PDE1A: variants seen among roughly 807,000 people sequenced by gnomAD.
PDE1A encodes the protein dual specificity calcium/calmodulin-dependent 3',5'-cyclic nucleotide phosphodiesterase 1A.
In PDE1A, 35 loss-of-function variants were observed where a neutral mutation model predicts 61.7. That is an observed-to-expected ratio of 0.57 (90% CI 0.43 to 0.75). PDE1A has a LOEUF of 0.75. Among genes scored for constraint, PDE1A ranks in the 30% least tolerant of loss-of-function variants. The pLI, the probability that PDE1A is intolerant of heterozygous loss-of-function variation, is 0.00. For missense variants in PDE1A, 597 were observed against 630.6 expected (o/e 0.95, Z 0.57); for synonymous variants, 232 against 213.2 (o/e 1.09, Z -0.77).
At chr2:182,586,158 T>C in the PDE1A span, among the ~76,000 whole-genome samples, 2 of 152,140 alleles carry the variant, frequency 1.3e-5, no homozygotes, top group African/African-American at 2.4e-5. Context: ...CCCGAGTAAA[T>C]AATCTATAAT....
intron 2 of PDE1A, among the ~76,000 whole-genome samples, chr2:182,468,813 T>C (rs1004627589): frequency 6.6e-6 from 1 of 152,022 alleles, no homozygotes; most frequent in African/African-American, 2.4e-5. Flanking sequence ...GGATGTTGTA[T>C]GAGCAGGCAT....
the PDE1A span, among the ~76,000 whole-genome samples, chr2:182,673,356 G>A: frequency 6.6e-6 from 1 of 152,174 alleles, no homozygotes; most frequent in African/African-American, 2.4e-5. Flanking sequence ...AGTGTTGAAA[G>A]ACAATGTTCC....
At chr2:182,415,617 C>A (rs1702868162) in intron 1 of PDE1A, among the ~76,000 whole-genome samples, 1 of 152,222 alleles carries the variant, frequency 6.6e-6, no homozygotes, top group South Asian at 2.1e-4. Flanking sequence ...ACTGCCTGAA[C>A]TTTATTTTTT....
intron 1 of PDE1A, among the ~76,000 whole-genome samples, chr2:182,424,230 C>T (rs145554411): frequency 1.3e-5 from 2 of 152,274 alleles, no homozygotes; most frequent in East Asian, 3.9e-4. Flanking sequence ...CAGGCATGAG[C>T]CACGGCACCC....
the PDE1A span, among the ~76,000 whole-genome samples, chr2:182,533,630 G>C: frequency 6.6e-6 from 1 of 152,048 alleles, no homozygotes; most frequent in Admixed American, 6.6e-5. Context: ...TAATAGATTA[G>C]AATCATTATC....
chr2:182,583,032 T>G, the PDE1A span, among the ~76,000 whole-genome samples: 6 of 152,138 alleles, frequency 3.9e-5, no homozygotes, highest in Non-Finnish European at 8.8e-5. Context: ...TTGATGATGG[T>G]GGGAGTGATT....
chr2:182,308,796 CT>C (rs1368135122), intron 1 of PDE1A, among the ~76,000 whole-genome samples: 1 of 152,004 alleles, frequency 6.6e-6, no homozygotes, highest in East Asian at 1.9e-4. Context: ...AATATATATG[CT>C]TCTTTCCTTA....
chr2:182,348,097 T>C (rs1344376210), intron 1 of PDE1A, among the ~76,000 whole-genome samples: 1 of 152,188 alleles, frequency 6.6e-6, no homozygotes, highest in Non-Finnish European at 1.5e-5. Flanking sequence ...CCAGCCAGCA[T>C]TTTTGTCATT....
the PDE1A span, among the ~76,000 whole-genome samples, chr2:182,528,905 C>T: frequency 2.0e-5 from 3 of 152,224 alleles, no homozygotes; most frequent in Non-Finnish European, 2.9e-5. Context: ...GGAACCTTCA[C>T]CTAGATTTCA....
chr2:182,471,282 T>C (rs1392447276), intron 2 of PDE1A, among the ~76,000 whole-genome samples: 4 of 151,738 alleles, frequency 2.6e-5, no homozygotes, highest in Non-Finnish European at 4.4e-5. Context: ...GTCAGGCAGA[T>C]GAAAAATATG....
the PDE1A span, among the ~76,000 whole-genome samples, chr2:182,593,995 T>C: frequency 6.6e-6 from 1 of 152,216 alleles, no homozygotes; most frequent in Non-Finnish European, 1.5e-5. Flanking sequence ...GTTCCCTTTG[T>C]TACTTATATC....
intron 1 of PDE1A, among the ~76,000 whole-genome samples, chr2:182,268,192 C>A (rs1323016801): frequency 6.6e-6 from 1 of 151,884 alleles, no homozygotes; most frequent in Non-Finnish European, 1.5e-5. Context: ...CAGTTTCTGA[C>A]CCAGAAAATT....
the PDE1A span, among the ~76,000 whole-genome samples, chr2:182,560,958 C>T: frequency 7.1e-4 from 107 of 151,396 alleles, no homozygotes; most frequent in African/African-American, 2.4e-3. Context: ...GGATATTAGC[C>T]CTTGGTCAGA....
the PDE1A span, among the ~76,000 whole-genome samples, chr2:182,622,147 A>G: frequency 1.3e-5 from 2 of 152,250 alleles, no homozygotes; most frequent in Admixed American, 6.5e-5. Flanking sequence ...ACTATTTAGT[A>G]TGACATAGAA....
chr2:182,510,726 G>A (rs1289148659), intron 2 of PDE1A, among the ~76,000 whole-genome samples: 1 of 152,086 alleles, frequency 6.6e-6, no homozygotes, highest in Non-Finnish European at 1.5e-5. Context: ...TCCACTATAA[G>A]GCTACCTCAA....
the PDE1A span, among the ~76,000 whole-genome samples, chr2:182,678,901 A>C: frequency 1.3e-5 from 2 of 152,072 alleles, no homozygotes; most frequent in South Asian, 4.1e-4. Flanking sequence ...TGGTAATTAT[A>C]GTTAACAGTA....
chr2:182,434,423 C>G (rs1469325208), intron 2 of PDE1A, among the ~76,000 whole-genome samples: 1 of 152,092 alleles, frequency 6.6e-6, no homozygotes, highest in Non-Finnish European at 1.5e-5. Flanking sequence ...CATTTCCTCA[C>G]AGTTACAGAA....
intron 2 of PDE1A, among the ~76,000 whole-genome samples, chr2:182,261,124 CA>C (rs1274844337): frequency 6.6e-6 from 1 of 152,066 alleles, no homozygotes; most frequent in Non-Finnish European, 1.5e-5. Flanking sequence ...TTCCAGCTAT[CA>C]AAATGTTTTA....
chr2:182,484,706 C>G (rs1430744130), intron 2 of PDE1A, among the ~76,000 whole-genome samples: 3 of 151,682 alleles, frequency 2.0e-5, no homozygotes, highest in Non-Finnish European at 4.4e-5. Context: ...GGGCAAAAGA[C>G]ATGAACAAAT....
Sources: allele counts gnomAD v4.1 joint callset (sites outside exome capture counted in the v4.1 genomes callset), GRCh38; gene constraint gnomAD v4.1.1; transcripts MANE v1.5; gene names NCBI Gene and HGNC (gene_info 2026-07-23, HGNC 2026-07-21).